DSCAM: variants seen among roughly 807,000 people sequenced by gnomAD.
The protein encoded by DSCAM is DS cell adhesion molecule, also known as cell adhesion molecule DSCAM.
DSCAM carries 47 observed loss-of-function variants against 217.7 expected under a neutral mutation model. That is an observed-to-expected ratio of 0.22 (90% CI 0.17 to 0.28). DSCAM has a LOEUF of 0.28. Among genes scored for constraint, DSCAM ranks in the 10% least tolerant of loss-of-function variants. The probability of loss-of-function intolerance (pLI) is 1.00; values close to 1 mark genes in which losing one functional copy is unlikely to be tolerated. For synonymous variants in DSCAM, 1,056 were observed against 1,015.3 expected (o/e 1.04, Z -0.76); for missense variants, 2,080 against 2,618.3 (o/e 0.79, Z 4.49).
intron 3 of DSCAM, among the ~76,000 whole-genome samples, chr21:40,475,810 AAC>A (rs1194641279): frequency 6.6e-6 from 1 of 152,090 alleles, no homozygotes; most frequent in African/African-American, 2.4e-5. Flanking sequence ...CAGCCTGGGC[AAC>A]AGAGTAAGAC....
chr21:40,628,270 C>A (rs2089630788), intron 3 of DSCAM, among the ~76,000 whole-genome samples: 1 of 152,178 alleles, frequency 6.6e-6, no homozygotes, highest in South Asian at 2.1e-4. Flanking sequence ...CTGGAGCCAA[C>A]TTGCCTTTGT....
rs1056572136 is a variant in DSCAM, at chr21:40,144,017, C to T, written c.3259+474G>A. Among the ~76,000 whole-genome samples the T allele has an allele frequency of 2.0e-5, 3 of 152,168 alleles. No homozygotes were observed. The highest frequency in any genetic ancestry group is 4.8e-5 in the African/African-American group (2 of 41,436). ...GGTGGAAGGGCTAATTAATTTATCT[C>T]GGCCGCTAGGGGGCGATCGATCACT... is the stretch of plus-strand genomic sequence containing the variant. On this transcript the variant is annotated intron_variant, in intron 17 of 32. Coordinates refer to ENST00000400454, the MANE Select transcript of DSCAM (RefSeq NM_001389.5). The surrounding 1 kb of genome is among the most constrained non-coding windows in gnomAD (Gnocchi z 4.8).
At chr21:40,116,926 C>T (rs1159238996) in intron 20 of DSCAM, among the ~76,000 whole-genome samples, 3 of 131,686 alleles carry the variant, frequency 2.3e-5, no homozygotes, top group Admixed American at 1.9e-4. Flanking sequence ...AGCATGAACC[C>T]GGGAGGCAGA....
chr21:40,236,325 G>C (rs1425586169), intron 11 of DSCAM, among the ~76,000 whole-genome samples: 1 of 152,162 alleles, frequency 6.6e-6, no homozygotes, highest in Non-Finnish European at 1.5e-5. Context: ...ACTCTGAAGA[G>C]CATCGGAGCT....
chr21:40,502,036 A>G (rs1244820420), intron 3 of DSCAM, among the ~76,000 whole-genome samples: 2 of 152,198 alleles, frequency 1.3e-5, no homozygotes, highest in South Asian at 4.1e-4. Context: ...CATACCCTCT[A>G]TGCATAAAAT....
At chr21:40,541,562 G>C (rs987729469) in intron 3 of DSCAM, among the ~76,000 whole-genome samples, 23 of 152,102 alleles carry the variant, frequency 1.5e-4, no homozygotes, top group African/African-American at 5.3e-4. Flanking sequence ...CTTTCTCAGA[G>C]TCAAGAATTT....
At chr21:40,721,549 A>C (rs1043648840) in intron 1 of DSCAM, among the ~76,000 whole-genome samples, 1 of 152,202 alleles carries the variant, frequency 6.6e-6, no homozygotes, top group Non-Finnish European at 1.5e-5. Flanking sequence ...TTAGACAAAT[A>C]GGATTAATGG....
chr21:40,105,027 C>G (rs1431603308), intron 20 of DSCAM, among the ~76,000 whole-genome samples: 1 of 152,150 alleles, frequency 6.6e-6, no homozygotes, highest in Non-Finnish European at 1.5e-5. Flanking sequence ...ACAAATCAGG[C>G]AGGCAGTCTT....
intron 3 of DSCAM, chr21:40,630,578 C>A (rs899684087): frequency 2.0e-5 from 3 of 152,150 alleles, no homozygotes; most frequent in African/African-American, 7.2e-5. Context: ...GGATTACAGG[C>A]GTGAGCCACT....
At chr21:40,438,883 C>T (rs537293509) in intron 3 of DSCAM, among the ~76,000 whole-genome samples, 6 of 152,044 alleles carry the variant, frequency 3.9e-5, no homozygotes, top group African/African-American at 1.2e-4. Flanking sequence ...CTGCCAATAT[C>T]GACATCTTAG....
At chr21:40,116,380 G>C (rs975663728) in intron 20 of DSCAM, among the ~76,000 whole-genome samples, 12 of 152,112 alleles carry the variant, frequency 7.9e-5, no homozygotes, top group African/African-American at 2.2e-4. Flanking sequence ...TTCCAAGAAA[G>C]CTTCAGGAAT....
Position 40,018,244 on chromosome 21 carries a change from A to G in DSCAM, c.5687-4858T>C, listed in dbSNP as rs16999189. On this transcript the variant is annotated intron_variant, in intron 32 of 32. Coordinates refer to ENST00000400454, the MANE Select transcript of DSCAM (RefSeq NM_001389.5). ...GTGAATCAATACACCTTAATTGACC[A>G]GTCTTGCGATTTGTAGTTTTATACA... Among the ~76,000 whole-genome samples, 963 of 152,334 alleles carry G rather than the reference A, an allele frequency of 6.3e-3. 7 individuals are homozygous for G. Among genetic ancestry groups the G allele is most frequent in the African/African-American group, 0.022 (907 of 41,582 alleles).
intron 6 of DSCAM, among the ~76,000 whole-genome samples, chr21:40,342,626 G>GTGTGTATATATATATATATA (rs1491362590): frequency 5.3e-4 from 50 of 94,654 alleles, no homozygotes; most frequent in African/African-American, 1.7e-3. Flanking sequence ...GTGTGTGTGT[G>GTGTGTATATATATATATATA]TATATATATA....
At chr21:40,774,553 G>A (rs185017197) in intron 1 of DSCAM, among the ~76,000 whole-genome samples, 95 of 152,336 alleles carry the variant, frequency 6.2e-4, no homozygotes, top group Non-Finnish European at 5.9e-4. Context: ...AGAGACATGA[G>A]TCAGTCTTAT....
At chr21:40,293,276 G>C (rs986695334) in intron 10 of DSCAM, among the ~76,000 whole-genome samples, 5 of 152,074 alleles carry the variant, frequency 3.3e-5, no homozygotes, top group African/African-American at 9.7e-5. Context: ...TTAAAGGGAG[G>C]TGAGTCGTGT....
chr21:40,206,357 G>C (rs922059723), intron 11 of DSCAM, among the ~76,000 whole-genome samples: 2 of 152,188 alleles, frequency 1.3e-5, no homozygotes, highest in African/African-American at 4.8e-5. Context: ...AGCAGAGGCT[G>C]TGAGCATCCT....
In DSCAM at chr21:40,324,924, T is replaced by C. The variant is rs113580910; in HGVS notation, c.1784-12565A>G. Reference sequence around the variant, plus strand: ...TGGACTTCTGATGGAAGCAAAGCCATGTGACCCCAACCAGAGGTGACGACA... The same window carrying C: ...TGGACTTCTGATGGAAGCAAAGCCACGTGACCCCAACCAGAGGTGACGACA... On this transcript the variant is annotated intron_variant, in intron 8 of 32. Coordinates refer to ENST00000400454, the MANE Select transcript of DSCAM (RefSeq NM_001389.5). 4.4e-3 allele frequency among the ~76,000 whole-genome samples: 673 copies of C among 152,308 alleles called. 4 individuals carry two copies. The highest frequency in any genetic ancestry group is 0.015 in the African/African-American group (638 of 41,572).
intron 20 of DSCAM, among the ~76,000 whole-genome samples, chr21:40,118,552 A>G (rs76713812): frequency 0.013 from 1,972 of 152,286 alleles, 46 homozygotes; most frequent in African/African-American, 0.045. Flanking sequence ...GCGCCACTGC[A>G]CTATAGCCTG....
chr21:40,532,887 TG>T (rs2076459571), intron 3 of DSCAM, among the ~76,000 whole-genome samples: 1 of 151,040 alleles, frequency 6.6e-6, no homozygotes, highest in African/African-American at 2.4e-5. Flanking sequence ...TGTGTGTGTG[TG>T]TGTGTGTGTG....
Sources: gnomAD v4.1 joint callset for allele counts (sites outside exome capture counted in the v4.1 genomes callset) on GRCh38, gnomAD v4.1.1 for gene constraint, Gnocchi (gnomAD v3.1) non-coding constraint, MANE v1.5 for transcripts, NCBI Gene and HGNC (gene_info 2026-07-23, HGNC 2026-07-21) for gene names.